The following TUBA1C variants were observed in gnomAD, a reference collection of about 807,000 sequenced individuals.
TUBA1C encodes tubulin alpha-1C chain.
TUBA1C carries 16 observed loss-of-function variants against 34.9 expected under a neutral mutation model. That is an observed-to-expected ratio of 0.46 (90% confidence interval 0.31 to 0.70). TUBA1C has a LOEUF of 0.70. Ranked by LOEUF, TUBA1C falls within the 30% of genes least tolerant of loss-of-function variation. TUBA1C has a pLI of 0.05. For missense variants in TUBA1C, 329 were observed against 587.3 expected (o/e 0.56, Z 4.55); for synonymous variants, 177 against 215.9 (o/e 0.82, Z 1.58).
intron 1 of TUBA1C, among the ~76,000 whole-genome samples, chr12:49,249,439 A>G (rs1316169045): frequency 6.6e-6 from 1 of 152,200 alleles, no homozygotes; most frequent in Non-Finnish European, 1.5e-5. Flanking sequence ...AAATAAATAA[A>G]TAAATAAACA....
chr12:49,268,399 A>G (rs1389441975), intron 1 of TUBA1C, among the ~76,000 whole-genome samples: 2 of 149,968 alleles, frequency 1.3e-5, no homozygotes, highest in Non-Finnish European at 3.0e-5. Flanking sequence ...GTGCTCTACC[A>G]TAATTTTTTT....
intron 1 of TUBA1C, among the ~76,000 whole-genome samples, chr12:49,237,289 C>T (rs756624056): frequency 9.9e-5 from 15 of 151,656 alleles, no homozygotes; most frequent in South Asian, 4.2e-4. Context: ...AGTGGTGGCG[C>T]GTACCTGTAA....
chr12:49,271,186 T>C (rs903098042), intron 3 of TUBA1C, among the ~76,000 whole-genome samples: 2 of 152,218 alleles, frequency 1.3e-5, no homozygotes, highest in African/African-American at 4.8e-5. Context: ...GGCGAGAGTC[T>C]GCCCTGTGCA....
At position 49,273,403 on chromosome 12, in the gene TUBA1C, G is replaced by A; in HGVS notation, c.*176G>A. On this transcript the variant is annotated 3_prime_UTR_variant, in exon 4 of 4. Transcript: ENST00000301072. ...ATGAGGCTGGTAGATGAAACCACCT[G>A]AGTCGAGGGTCTTGCTCTGTCACCC... The A allele has an allele frequency of 8.6e-7, 1 of 1,166,584 alleles. No homozygotes were observed. Among genetic ancestry groups the A allele is most frequent in the Non-Finnish European group, 1.2e-6 (1 of 824,804 alleles). The allele number at this position is 1,166,584 out of a possible 1,614,324, so 72.3% of individuals were successfully genotyped here. A position where few individuals can be genotyped will look rare whatever the true frequency, so the allele number is the denominator to read the frequency against.
At chr12:49,259,849 G>C (rs1308548315) in intron 1 of TUBA1C, among the ~76,000 whole-genome samples, 1 of 152,198 alleles carries the variant, frequency 6.6e-6, no homozygotes, top group Non-Finnish European at 1.5e-5. Context: ...ATGGCTGGCT[G>C]TGTGTCCTGG....
At chr12:49,249,218 G>A (rs1307746363) in intron 1 of TUBA1C, among the ~76,000 whole-genome samples, 2 of 151,918 alleles carry the variant, frequency 1.3e-5, no homozygotes, top group African/African-American at 2.4e-5. Flanking sequence ...CCCTGAGGTC[G>A]GGAGTTTGAG....
At position 49,245,900 on chromosome 12, in the gene TUBA1C, ACTT is replaced by A. The variant is rs534331889; in HGVS notation, c.213+17741_213+17743del. On this transcript the variant is annotated intron_variant, in intron 1 of 3. Coordinates refer to the TUBA1C transcript ENST00000541364. ...AACAGAGGGCCTAAGATTGCCACAT[ACTT>A]CTTCTTTTTTTTCTTTTCTGAGATG... Among the ~76,000 whole-genome samples, 745 of 152,114 alleles carry A rather than the reference ACTT, an allele frequency of 4.9e-3. 3 individuals are homozygous for A. Among genetic ancestry groups the A allele is most frequent in the African/African-American group, 0.017 (685 of 41,502 alleles).
intron 1 of TUBA1C, among the ~76,000 whole-genome samples, chr12:49,268,909 CAT>C (rs1305630480): frequency 3.9e-5 from 6 of 152,302 alleles, no homozygotes; most frequent in Non-Finnish European, 5.9e-5. Flanking sequence ...TTTAAGGAAT[CAT>C]ATCTACTGTG....
In TUBA1C at chr12:49,268,350, C is replaced by G. The variant is rs546933884; in HGVS notation, c.4-1115C>G. On this transcript the variant is annotated intron_variant, in intron 1 of 3. Transcript: ENST00000301072. ...CTGACCTCAGATGATCCACCCACCT[C>G]GGTCTCCCAAAGTCCTGGGATTACA... Among the ~76,000 whole-genome samples, 6 of 152,060 alleles carry G rather than the reference C, an allele frequency of 3.9e-5. No homozygotes were observed. In the South Asian group the frequency reaches 1.2e-3, roughly 32 times the overall value.
At chr12:49,229,647 CAACT>C (rs983267657) in intron 1 of TUBA1C, among the ~76,000 whole-genome samples, 5 of 151,750 alleles carry the variant, frequency 3.3e-5, no homozygotes, top group African/African-American at 4.8e-5. Flanking sequence ...GGGGTGTAAC[CAACT>C]ATTTCTTACC....
intron 1 of TUBA1C, among the ~76,000 whole-genome samples, chr12:49,258,465 T>C (rs1169517112): frequency 6.6e-6 from 1 of 151,656 alleles, no homozygotes; most frequent in African/African-American, 2.4e-5. Context: ...TCTCGCTCTA[T>C]TGCCCAGGCT....
intron 1 of TUBA1C, among the ~76,000 whole-genome samples, chr12:49,257,474 A>T (rs894825014): frequency 4.0e-5 from 6 of 150,122 alleles, no homozygotes; most frequent in South Asian, 2.1e-4. Context: ...AGAGGCATTT[A>T]TTTTTTTTTT....
At chr12:49,264,754 T>C (rs28365885), upstream of TUBA1C, 6,462 of 174,310 alleles carry the variant, frequency 0.037, 203 homozygotes, top group African/African-American at 0.085. Context: ...TGGACACCTC[T>C]GTCCCTGTCC....
chr12:49,245,615 A>T (rs1335301098), intron 1 of TUBA1C, among the ~76,000 whole-genome samples: 1 of 152,172 alleles, frequency 6.6e-6, no homozygotes, highest in East Asian at 1.9e-4. Flanking sequence ...ATGTTTGAGT[A>T]ACTGCTGAAC....
chr12:49,265,869 A>G (rs1002412412), intron 1 of TUBA1C, among the ~76,000 whole-genome samples: 3 of 150,630 alleles, frequency 2.0e-5, no homozygotes, highest in African/African-American at 7.3e-5. Flanking sequence ...ATAAAACCAG[A>G]GTTGGCCCGG....
At chr12:49,270,783 A>C (rs1942980264) in intron 3 of TUBA1C, among the ~76,000 whole-genome samples, 1 of 152,182 alleles carries the variant, frequency 6.6e-6, no homozygotes, top group African/African-American at 2.4e-5. Flanking sequence ...GATCGAGACC[A>C]TCCTGGCTAA....
chr12:49,263,482 A>G (rs1176925267), upstream of TUBA1C, among the ~76,000 whole-genome samples: 1 of 152,032 alleles, frequency 6.6e-6, no homozygotes, highest in African/African-American at 2.4e-5. Context: ...AGCTCTACTA[A>G]GACTAAAATC....
rs761805862 is a variant in TUBA1C, at chr12:49,258,436, GTTTTTC to G, written c.214-11023_214-11018del. Among the ~76,000 whole-genome samples, 208 of 151,574 alleles carry G rather than the reference GTTTTTC, an allele frequency of 1.4e-3. 1 individual carries two copies. The highest frequency in any genetic ancestry group is 2.3e-3 in the Non-Finnish European group (157 of 67,786). On this transcript the variant is annotated intron_variant, in intron 1 of 3. Transcript: ENST00000541364. ...AAAAATTATTTATGTTTTGTTTTTT[GTTTTTC>G]TTTTTGAGACAGTCTCGCTCTATTG...
intron 1 of TUBA1C, among the ~76,000 whole-genome samples, chr12:49,259,690 G>C (rs1315314301): frequency 6.6e-6 from 1 of 152,180 alleles, no homozygotes; most frequent in Non-Finnish European, 1.5e-5. Flanking sequence ...GATCTTGGTT[G>C]TTAAGTGACA....
Sources: allele counts gnomAD v4.1 joint callset (sites outside exome capture counted in the v4.1 genomes callset), GRCh38; gene constraint gnomAD v4.1.1; transcripts MANE v1.5; gene names NCBI Gene and HGNC (gene_info 2026-07-23, HGNC 2026-07-21).